SLC20A2: variants seen among roughly 807,000 people sequenced by gnomAD.
SLC20A2 encodes the protein solute carrier family 20 member 2, also known as sodium-dependent phosphate transporter 2.
In SLC20A2, 30 loss-of-function variants were observed where a neutral mutation model predicts 61.0. That is an observed-to-expected ratio of 0.49 (90% confidence interval 0.37 to 0.67). SLC20A2 has a LOEUF of 0.67. SLC20A2 is among the 30% of genes least tolerant of loss of function. The pLI is 0.00. For missense variants in SLC20A2, 626 were observed against 866.4 expected, an observed-to-expected ratio of 0.72 and a Z score of 3.48; for synonymous variants, 351 against 353.3, an observed-to-expected ratio of 0.99 and a Z score of 0.07.
chr8:42,438,676 T>C (rs1413334435), intron 7 of SLC20A2, among the ~76,000 whole-genome samples: 1 of 152,108 alleles, frequency 6.6e-6, no homozygotes, highest in African/African-American at 2.4e-5. Context: ...CCACAAACAT[T>C]GAGAGTCTAA....
At chr8:42,507,232 C>G (rs1810761968) in intron 1 of SLC20A2, among the ~76,000 whole-genome samples, 1 of 152,140 alleles carries the variant, frequency 6.6e-6, no homozygotes, top group Admixed American at 6.6e-5. Context: ...AACACACATT[C>G]CTCCAAAAAG....
chr8:42,478,212 CTT>C (rs35343530), intron 1 of SLC20A2, among the ~76,000 whole-genome samples: 18 of 127,514 alleles, frequency 1.4e-4, no homozygotes, highest in South Asian at 1.0e-3. Flanking sequence ...TTTTCCTTTT[CTT>C]TTTTTTTTTT....
intron 1 of SLC20A2, among the ~76,000 whole-genome samples, chr8:42,509,387 C>T (rs1810904140): frequency 6.6e-6 from 1 of 152,136 alleles, no homozygotes; most frequent in Admixed American, 6.5e-5. Flanking sequence ...TACTTTCACA[C>T]TGGAAGCTTT....
chr8:42,493,053 A>G lies in SLC20A2; in HGVS notation c.-265+7978T>C, dbSNP rs11984970. Among the ~76,000 whole-genome samples, 1,251 of 152,290 alleles carry G rather than the reference A, an allele frequency of 8.2e-3. 9 individuals carry two copies. The highest frequency in any genetic ancestry group is 0.029 in the African/African-American group (1,201 of 41,558). ...CAATTCAGTCTGAATTTCAGCCTCA[A>G]TGCCCAAAGGAAACCTAGTGACAAA... is the stretch of plus-strand genomic sequence containing the variant. On this transcript the variant is annotated intron_variant, in intron 1 of 10. Coordinates refer to ENST00000520262, the MANE Select transcript of SLC20A2 (RefSeq NM_001257180.2).
chr8:42,447,502 C>A (rs1002278503), intron 5 of SLC20A2, among the ~76,000 whole-genome samples: 1 of 151,682 alleles, frequency 6.6e-6, no homozygotes, highest in Non-Finnish European at 1.5e-5. Flanking sequence ...ACGGTGAAAC[C>A]CCGTCTCTAC....
At chr8:42,470,085 C>T (rs114259504) in intron 2 of SLC20A2, among the ~76,000 whole-genome samples, 410 of 152,026 alleles carry the variant, frequency 2.7e-3, no homozygotes, top group African/African-American at 9.4e-3. Flanking sequence ...GTGAATTTTA[C>T]AAAGAACGGT....
intron 8 of SLC20A2, among the ~76,000 whole-genome samples, chr8:42,434,829 T>A (rs1804124778): frequency 6.6e-6 from 1 of 152,206 alleles, no homozygotes; most frequent in Non-Finnish European, 1.5e-5. Flanking sequence ...AGCCACTGCC[T>A]AGATGCTTCC....
At chr8:42,494,574 T>C (rs569083260) in intron 1 of SLC20A2, among the ~76,000 whole-genome samples, 2 of 152,316 alleles carry the variant, frequency 1.3e-5, no homozygotes, top group Admixed American at 1.3e-4. Context: ...GGGTCATAAA[T>C]ACATAATGTT....
chr8:42,517,001 C>A lies in SLC20A2; in HGVS notation c.-265+24820G>T, dbSNP rs139609356. 9.8e-5 allele frequency among the ~76,000 whole-genome samples: 15 copies of A among 152,292 alleles called. No individual in the cohort carries two copies. The South Asian group carries it at 2.5e-3, about 25-fold the overall frequency. On this transcript the variant is annotated intron_variant, in intron 1 of 10. Coordinates refer to the SLC20A2 transcript ENST00000342228. ...TGCACTTGAGACCGTCCACCACCCCCCAAGCATTTCTCAACTCCTGCAGAT... is the reference window on the plus strand; with the variant it reads ...TGCACTTGAGACCGTCCACCACCCCACAAGCATTTCTCAACTCCTGCAGAT...
Position 42,439,613 on chromosome 8 carries a change from G to C in SLC20A2, c.771C>G (p.Asp257Glu). The change falls in exon 7 of 11, where the codon GAC becomes GAG. Residue 257 changes from aspartate (D) to glutamate (E), a missense_variant. Physicochemically the swap from Asp to Glu is conservative, Grantham distance 45 (BLOSUM62 2). This residue lies in a region of SLC20A2 where 361 missense variants were observed against 422.3 expected (regional missense o/e 0.85). Coordinates refer to ENST00000520262, the MANE Select transcript of SLC20A2 (RefSeq NM_001257180.2). ...QKEGALSRVS[D>E]ESLSKVQEAE... The stretch of plus-strand genomic sequence containing the variant: ...CTTCCTGAACCTTACTGAGGCTTTC[G>C]TCAGATACTCGTGATAAAGCACCTT... 1 of 1,614,160 alleles carries C rather than the reference G, an allele frequency of 6.2e-7. No homozygotes were observed. Among genetic ancestry groups the C allele is most frequent in the Non-Finnish European group, 8.5e-7 (1 of 1,180,006 alleles).
chr8:42,488,495 TG>T (rs1490703934), intron 1 of SLC20A2, among the ~76,000 whole-genome samples: 3 of 152,110 alleles, frequency 2.0e-5, no homozygotes, highest in Non-Finnish European at 4.4e-5. Context: ...GCCATAACAC[TG>T]CTATTAAAAT....
chr8:42,523,223 C>T (rs923975591), intron 1 of SLC20A2, among the ~76,000 whole-genome samples: 11 of 151,956 alleles, frequency 7.2e-5, no homozygotes, highest in South Asian at 2.1e-4. Context: ...CCAGCTACTA[C>T]GGAGGTTGAG....
At chr8:42,483,541 G>A (rs1415340619) in intron 1 of SLC20A2, among the ~76,000 whole-genome samples, 1 of 152,210 alleles carries the variant, frequency 6.6e-6, no homozygotes, top group African/African-American at 2.4e-5. Context: ...ACTACTGTCT[G>A]GAAGCGAGGG....
intron 8 of SLC20A2, among the ~76,000 whole-genome samples, chr8:42,436,106 A>C (rs1586019190): frequency 6.7e-6 from 1 of 150,340 alleles, no homozygotes; most frequent in East Asian, 1.9e-4. Flanking sequence ...ACAGAGCGAG[A>C]CTCCGTCTTA....
intron 1 of SLC20A2, among the ~76,000 whole-genome samples, chr8:42,495,715 A>G (rs1369366022): frequency 4.6e-5 from 7 of 151,620 alleles, no homozygotes; most frequent in Non-Finnish European, 1.0e-4. Flanking sequence ...GTAATTAACT[A>G]TGCTATAAAA....
intron 1 of SLC20A2, among the ~76,000 whole-genome samples, chr8:42,511,583 C>T (rs1269090566): frequency 2.0e-5 from 3 of 150,788 alleles, no homozygotes; most frequent in African/African-American, 7.3e-5. Flanking sequence ...GCCAAGATCG[C>T]GCCACTGCAC....
intron 1 of SLC20A2, among the ~76,000 whole-genome samples, chr8:42,479,693 T>C (rs992369257): frequency 5.9e-5 from 9 of 151,942 alleles, no homozygotes; most frequent in Admixed American, 6.6e-5. Context: ...GGCATGGCAG[T>C]GTGCATCTGT....
intron 6 of SLC20A2, among the ~76,000 whole-genome samples, chr8:42,443,377 C>T (rs1216598555): frequency 2.0e-5 from 3 of 147,606 alleles, no homozygotes; most frequent in African/African-American, 7.5e-5. Context: ...TGCAGTGGCA[C>T]GATCTTGGCT....
chr8:42,437,610 G>GT lies in SLC20A2; in HGVS notation c.935-34dup, dbSNP rs762919038. On this transcript the variant is annotated intron_variant, in intron 7 of 10. Coordinates refer to ENST00000520262, the MANE Select transcript of SLC20A2 (RefSeq NM_001257180.2). The surrounding 1 kb of genome is among the most constrained non-coding windows in gnomAD (Gnocchi z 6.4). ...GGGTTAGAGAAGGTCTCATTTTCCA[G>GT]TCTTTTTTTTTTTTTTCTTTTCTTT... The GT allele has an allele frequency of 1.1e-5, 15 of 1,384,754 alleles. No individual in the cohort carries two copies. Among genetic ancestry groups the GT allele is most frequent in the Admixed American group, 9.5e-5 (4 of 42,066 alleles). The allele number at this position is 1,384,754 out of a possible 1,614,324, so 85.8% of individuals were successfully genotyped here. A position where few individuals can be genotyped will look rare whatever the true frequency, so the allele number is the denominator to read the frequency against.
Sources: gnomAD v4.1 joint callset for allele counts (sites outside exome capture counted in the v4.1 genomes callset) on GRCh38, gnomAD v4.1.1 for gene constraint, gnomAD v4.1.1 regional missense constraint, Gnocchi (gnomAD v3.1) non-coding constraint, MANE v1.5 for transcripts, NCBI Gene and HGNC (gene_info 2026-07-23, HGNC 2026-07-21) for gene names.